Variants in DAAM2 observed in about 807,000 individuals in gnomAD.
DAAM2 encodes disheveled-associated activator of morphogenesis 2.
A neutral mutation model predicts 120.7 loss-of-function variants in DAAM2; 39 were observed. The observed-to-expected ratio is 0.32, with a 90% CI of 0.25 to 0.42. The LOEUF is 0.42. Among genes scored for constraint, DAAM2 ranks in the 10% least tolerant of loss-of-function variants. The pLI is 1.00. For missense variants in DAAM2, 1,283 were observed against 1,401.7 expected (o/e 0.92, Z 1.35); for synonymous variants, 488 against 524.9 (o/e 0.93, Z 0.96).
rs1337293751 is a variant in DAAM2, at chr6:39,811,174, A to AGTAT, written c.-57+18711_-57+18712insATGT. Among the ~76,000 whole-genome samples the AGTAT allele has an allele frequency of 9.5e-3, 1,388 of 146,556 alleles. 31 individuals carry two copies. The highest frequency in any genetic ancestry group is 0.033 in the African/African-American group (1,311 of 39,150). Reference sequence around the variant, plus strand: ...ATTTGTAAGCCTGTAAACTGAAGGGAGTGTGTGTGTGTGTGTGTGTGTGTG... The same window carrying AGTAT: ...ATTTGTAAGCCTGTAAACTGAAGGGAGTATGTGTGTGTGTGTGTGTGTGTGTGTG... On this transcript the variant is annotated intron_variant, in intron 1 of 24. Transcript: ENST00000274867.
intron 1 of DAAM2, among the ~76,000 whole-genome samples, chr6:39,799,931 A>G (rs1177025061): frequency 6.6e-6 from 1 of 152,210 alleles, no homozygotes; most frequent in Non-Finnish European, 1.5e-5. Flanking sequence ...ATTTTGCCTG[A>G]GTATTTTTCA....
At chr6:39,870,100 C>G (rs1764596903) in intron 7 of DAAM2, among the ~76,000 whole-genome samples, 1 of 152,114 alleles carries the variant, frequency 6.6e-6, no homozygotes, top group African/African-American at 2.4e-5. Flanking sequence ...CTAGAACTGG[C>G]AAGGGGCTTG....
At chr6:39,847,373 C>T (rs976956039) in intron 1 of DAAM2, among the ~76,000 whole-genome samples, 4 of 152,066 alleles carry the variant, frequency 2.6e-5, no homozygotes, top group Admixed American at 6.5e-5. Flanking sequence ...CCTTTCCCTG[C>T]GCCTTTCAGT....
At position 39,799,062 on chromosome 6, in the gene DAAM2, G is replaced by A. The variant is rs9367028; in HGVS notation, c.-57+6597G>A. Among the ~76,000 whole-genome samples, 977 of 152,274 alleles carry A rather than the reference G, an allele frequency of 6.4e-3. 41 individuals carry two copies. In the East Asian group the frequency reaches 0.088, roughly 14 times the overall value. On this transcript the variant is annotated intron_variant, in intron 1 of 24. Transcript: ENST00000274867. ...TGAGTAGGACTTGCCCAGGTGTGAT[G>A]GGCTTGCAAGAGCTAGTCTCCATAA...
At chr6:39,843,316 G>A (rs1763426280) in intron 1 of DAAM2, among the ~76,000 whole-genome samples, 1 of 152,148 alleles carries the variant, frequency 6.6e-6, no homozygotes, top group South Asian at 2.1e-4. Context: ...TGGAGGAGTG[G>A]GGTGCGATGG....
intron 1 of DAAM2, among the ~76,000 whole-genome samples, chr6:39,855,300 G>T (rs1763955993): frequency 6.6e-6 from 1 of 152,118 alleles, no homozygotes; most frequent in Non-Finnish European, 1.5e-5. Context: ...CCAATGACAG[G>T]GGTAGCGTTC....
chr6:39,875,694 G>T (rs1320584017), intron 11 of DAAM2, among the ~76,000 whole-genome samples: 1 of 152,208 alleles, frequency 6.6e-6, no homozygotes, highest in Non-Finnish European at 1.5e-5. Context: ...CACACGGCTA[G>T]TATGACCAAG....
intron 1 of DAAM2, among the ~76,000 whole-genome samples, chr6:39,795,827 C>T (rs1761683013): frequency 6.6e-6 from 1 of 152,072 alleles, no homozygotes; most frequent in South Asian, 2.1e-4. Context: ...ACCAGGGATC[C>T]TGGATGTCTG....
intron 1 of DAAM2, among the ~76,000 whole-genome samples, chr6:39,841,443 C>T (rs1188503165): frequency 6.6e-5 from 10 of 151,836 alleles, no homozygotes; most frequent in Non-Finnish European, 1.3e-4. Flanking sequence ...AGGGCCTCTA[C>T]ATGGAGGGAT....
At chr6:39,886,384 C>T (rs1367520901) in intron 15 of DAAM2, 2 of 399,250 alleles carry the variant, frequency 5.0e-6, no homozygotes, top group African/African-American at 4.1e-5. Context: ...TAATGTTGTG[C>T]ATGTTTAATT....
At chr6:39,838,483 G>C (rs1429522031) in intron 1 of DAAM2, among the ~76,000 whole-genome samples, 1 of 152,144 alleles carries the variant, frequency 6.6e-6, no homozygotes, top group Non-Finnish European at 1.5e-5. Context: ...TGTAGGGAGA[G>C]TGGGCTGGTT....
At chr6:39,840,120 G>A (rs796706635) in intron 1 of DAAM2, among the ~76,000 whole-genome samples, 1 of 152,080 alleles carries the variant, frequency 6.6e-6, no homozygotes, top group South Asian at 2.1e-4. Flanking sequence ...CCAGCTACTC[G>A]GGAGGCTGAG....
intron 14 of DAAM2, among the ~76,000 whole-genome samples, chr6:39,883,322 G>T (rs1258000006): frequency 6.6e-6 from 1 of 152,126 alleles, no homozygotes; most frequent in Admixed American, 6.6e-5. Flanking sequence ...GTAAAGGATG[G>T]TAACACCTTC....
Position 39,807,239 on chromosome 6 carries a change from A to T in DAAM2, c.-57+14774A>T, listed in dbSNP as rs143648726. Among the ~76,000 whole-genome samples the T allele has an allele frequency of 3.2e-3, 480 of 152,216 alleles. 2 individuals carry two copies. The highest frequency in any genetic ancestry group is 0.011 in the African/African-American group (464 of 41,518). ...ATTGTTAAAGACAGATACTAGTGAC[A>T]TATAATCTCAGAAACGATATGAAGT... On this transcript the variant is annotated intron_variant, in intron 1 of 24. Coordinates refer to ENST00000274867, the MANE Select transcript of DAAM2 (RefSeq NM_001201427.2).
chr6:39,834,088 G>A (rs147392761), intron 1 of DAAM2, among the ~76,000 whole-genome samples: 2 of 152,338 alleles, frequency 1.3e-5, no homozygotes, highest in East Asian at 3.9e-4. Flanking sequence ...TCTCAGAAAT[G>A]AGTCTTGGGG....
intron 1 of DAAM2, among the ~76,000 whole-genome samples, chr6:39,809,154 G>A (rs1004328533): frequency 6.6e-6 from 1 of 152,204 alleles, no homozygotes; most frequent in African/African-American, 2.4e-5. Flanking sequence ...AAGGAGTGGT[G>A]TCGTCAGAGC....
chr6:39,841,235 CA>C (rs1302055859), intron 1 of DAAM2, among the ~76,000 whole-genome samples: 9 of 59,180 alleles, frequency 1.5e-4, no homozygotes, highest in African/African-American at 2.1e-4. Context: ...AGCAGGGTTC[CA>C]GGGGGAGGGG....
At chr6:39,801,487 T>C (rs1312642875) in intron 1 of DAAM2, among the ~76,000 whole-genome samples, 1 of 152,234 alleles carries the variant, frequency 6.6e-6, no homozygotes, top group Non-Finnish European at 1.5e-5. Context: ...ACCTCACCTG[T>C]GCTTCTGCAG....
At chr6:39,885,236 A>C (rs150625942) in intron 15 of DAAM2, 2 of 152,236 alleles carry the variant, frequency 1.3e-5, no homozygotes, top group Non-Finnish European at 2.9e-5. Flanking sequence ...TTTAATTTAA[A>C]TGTGGGTGCC....
Sources: gnomAD v4.1 joint callset for allele counts (sites outside exome capture counted in the v4.1 genomes callset) on GRCh38, gnomAD v4.1.1 for gene constraint, MANE v1.5 for transcripts, NCBI Gene and HGNC (gene_info 2026-07-23, HGNC 2026-07-21) for gene names.